Variants in CRACD observed in about 807,000 individuals in gnomAD.
CRACD encodes capping protein inhibiting regulator of actin dynamics.
In CRACD, 56 loss-of-function variants were observed where a neutral mutation model predicts 106.8. That is an observed-to-expected ratio of 0.52 (90% CI 0.42 to 0.66). CRACD has a LOEUF of 0.66. CRACD is among the 30% of genes least tolerant of loss of function. CRACD has a pLI of 0.00. For missense variants in CRACD, 1,730 were observed against 1,623.2 expected (o/e 1.07, Z -1.13); for synonymous variants, 754 against 670.8 (o/e 1.12, Z -1.92).
At chr4:56,099,070 A>C (rs923385706) in intron 1 of CRACD, among the ~76,000 whole-genome samples, 1 of 151,330 alleles carries the variant, frequency 6.6e-6, no homozygotes, top group African/African-American at 2.4e-5. Flanking sequence ...AGATTCAGTG[A>C]CCATTCATTG....
At chr4:56,263,705 T>A (rs1451929328) in intron 2 of CRACD, among the ~76,000 whole-genome samples, 3 of 152,088 alleles carry the variant, frequency 2.0e-5, no homozygotes, top group African/African-American at 7.2e-5. Context: ...AAATATGAAA[T>A]TTGGAGAGAA....
At chr4:56,171,727 G>A (rs771542856) in intron 1 of CRACD, among the ~76,000 whole-genome samples, 42 of 152,174 alleles carry the variant, frequency 2.8e-4, no homozygotes, top group Non-Finnish European at 5.9e-4. Flanking sequence ...GCTAAGAAAT[G>A]TTCCCTGTGC....
intron 1 of CRACD, among the ~76,000 whole-genome samples, chr4:56,094,591 C>G (rs1014218530): frequency 1.3e-5 from 2 of 152,044 alleles, no homozygotes; most frequent in Non-Finnish European, 2.9e-5. Context: ...GTAGCTGGGA[C>G]TACAGGCATG....
chr4:56,287,683 C>T (rs1011883039), intron 3 of CRACD, among the ~76,000 whole-genome samples: 2 of 152,052 alleles, frequency 1.3e-5, no homozygotes, highest in Non-Finnish European at 2.9e-5. Context: ...CTGCTCAAAG[C>T]GTTGGGATTA....
intron 3 of CRACD, among the ~76,000 whole-genome samples, chr4:56,281,501 C>G (rs1383399230): frequency 6.6e-6 from 1 of 152,152 alleles, no homozygotes; most frequent in Non-Finnish European, 1.5e-5. Flanking sequence ...AGGTGTCTCA[C>G]TCGAGAGCTG....
At chr4:56,146,239 A>AT (rs1269125643) in intron 1 of CRACD, among the ~76,000 whole-genome samples, 3 of 152,116 alleles carry the variant, frequency 2.0e-5, no homozygotes, top group Non-Finnish European at 4.4e-5. Flanking sequence ...TTGATTAGAT[A>AT]TAAAGGCATT....
intron 1 of CRACD, among the ~76,000 whole-genome samples, chr4:56,089,746 C>T (rs1342648160): frequency 6.6e-6 from 1 of 152,030 alleles, no homozygotes; most frequent in Non-Finnish European, 1.5e-5. Flanking sequence ...CTCCCAACCT[C>T]AGGTGACCCA....
chr4:56,284,589 G>A (rs1025516017), intron 3 of CRACD, among the ~76,000 whole-genome samples: 1 of 152,268 alleles, frequency 6.6e-6, no homozygotes, highest in East Asian at 1.9e-4. Flanking sequence ...GCCAGGCGTG[G>A]TGGTGGGTAC....
At chr4:56,200,079 T>C (rs919287171) in intron 2 of CRACD, among the ~76,000 whole-genome samples, 7 of 151,568 alleles carry the variant, frequency 4.6e-5, no homozygotes, top group African/African-American at 1.7e-4. Context: ...CACCTTTATG[T>C]TGGTGATCAC....
intron 1 of CRACD, among the ~76,000 whole-genome samples, chr4:56,163,150 T>C (rs1736015313): frequency 6.6e-6 from 1 of 152,184 alleles, no homozygotes; most frequent in Non-Finnish European, 1.5e-5. Context: ...GAGCATCTTC[T>C]CTGTGCCAGG....
chr4:56,256,821 C>T (rs1424763149), intron 2 of CRACD, among the ~76,000 whole-genome samples: 1 of 152,168 alleles, frequency 6.6e-6, no homozygotes, highest in East Asian at 1.9e-4. Context: ...GAATGGACCC[C>T]TACTTGGCCA....
chr4:56,310,796 CCCT>C (rs1442888697), intron 6 of CRACD, 62 bp downstream of exon 6: 7 of 973,408 alleles, frequency 7.2e-6, no homozygotes, highest in African/African-American at 1.8e-5. Flanking sequence ...TCTTCCCCCC[CCCT>C]TTTTTTTTTT....
At chr4:56,184,364 C>A (rs1230459428) in intron 2 of CRACD, among the ~76,000 whole-genome samples, 1 of 152,238 alleles carries the variant, frequency 6.6e-6, no homozygotes, top group Non-Finnish European at 1.5e-5. Context: ...AGCCACCACG[C>A]CTGGCCAACA....
intron 1 of CRACD, among the ~76,000 whole-genome samples, chr4:56,052,727 G>A (rs1354439057): frequency 1.3e-5 from 2 of 152,110 alleles, no homozygotes; most frequent in Non-Finnish European, 2.9e-5. Context: ...CTTGCCCAAG[G>A]TCCTAAATTT....
At chr4:56,159,741 C>T (rs1735884246) in intron 1 of CRACD, among the ~76,000 whole-genome samples, 1 of 152,112 alleles carries the variant, frequency 6.6e-6, no homozygotes, top group African/African-American at 2.4e-5. Flanking sequence ...AGTCTCATCT[C>T]CTTGAGTTAA....
chr4:56,100,462 C>T (rs1733742685), intron 1 of CRACD, among the ~76,000 whole-genome samples: 1 of 152,184 alleles, frequency 6.6e-6, no homozygotes, highest in African/African-American at 2.4e-5. Context: ...TGCCTCCCTT[C>T]ACAAACCTTC....
chr4:56,076,827 G>A (rs1444904014), intron 1 of CRACD, among the ~76,000 whole-genome samples: 3 of 152,162 alleles, frequency 2.0e-5, no homozygotes, highest in Non-Finnish European at 4.4e-5. Context: ...ATCTGTCATC[G>A]CTGAATTTCC....
At chr4:56,095,379 G>A (rs1733565108) in intron 1 of CRACD, among the ~76,000 whole-genome samples, 1 of 152,144 alleles carries the variant, frequency 6.6e-6, no homozygotes, top group Non-Finnish European at 1.5e-5. Context: ...TTATCGCAGT[G>A]GAGAAATAGC....
chr4:56,061,344 G>T (rs1222726929), intron 1 of CRACD, among the ~76,000 whole-genome samples: 1 of 151,866 alleles, frequency 6.6e-6, no homozygotes, highest in Non-Finnish European at 1.5e-5. Context: ...CAGTTTTTGT[G>T]GTTTTTTTGT....
Sources: gnomAD v4.1 joint callset for allele counts (sites outside exome capture counted in the v4.1 genomes callset) on GRCh38, gnomAD v4.1.1 for gene constraint, MANE v1.5 for transcripts, NCBI Gene and HGNC (gene_info 2026-07-23, HGNC 2026-07-21) for gene names.